The following ARID4B variants were observed in gnomAD, a reference collection of about 807,000 sequenced individuals.
ARID4B encodes AT-rich interactive domain-containing protein 4B.
Under a neutral mutation model 147.5 loss-of-function variants are expected in ARID4B, and 26 were observed. The ratio of observed to expected loss-of-function variants is 0.18; its 90% CI spans 0.13 to 0.24. The LOEUF is 0.24. ARID4B is among the 10% of genes least tolerant of loss of function. The pLI, the probability that ARID4B is intolerant of heterozygous loss-of-function variation, is 1.00. For missense variants in ARID4B, 1,179 were observed against 1,511.5 expected (o/e 0.78, Z 3.65); for synonymous variants, 512 against 507.9 (o/e 1.01, Z -0.11).
intron 2 of ARID4B, among the ~76,000 whole-genome samples, chr1:235,309,602 G>T (rs1267417972): frequency 6.8e-6 from 1 of 147,272 alleles, no homozygotes; most frequent in African/African-American, 2.5e-5. Context: ...GGTGAGGGGC[G>T]CCTCTGCCCG....
intron 2 of ARID4B, among the ~76,000 whole-genome samples, chr1:235,297,003 TC>T (rs1297812175): frequency 2.0e-5 from 3 of 152,108 alleles, no homozygotes; most frequent in Non-Finnish European, 2.9e-5. Flanking sequence ...CTTGTTCTTT[TC>T]TTTTTATATA....
chr1:235,266,476 G>A (rs1213194633), intron 2 of ARID4B, among the ~76,000 whole-genome samples: 4 of 152,124 alleles, frequency 2.6e-5, no homozygotes, highest in Non-Finnish European at 5.9e-5. Flanking sequence ...CCTTTGTTGA[G>A]CAAACAGAAC....
intron 16 of ARID4B, among the ~76,000 whole-genome samples, chr1:235,217,433 C>T (rs1213825699): frequency 3.3e-5 from 5 of 149,586 alleles, no homozygotes; most frequent in Non-Finnish European, 7.4e-5. Context: ...TACATACATA[C>T]ACTCACATAC....
chr1:235,299,991 C>T (rs143131841), intron 2 of ARID4B, among the ~76,000 whole-genome samples: 1,869 of 152,258 alleles, frequency 0.012, 30 homozygotes, highest in African/African-American at 0.04. Flanking sequence ...GAAACACTGT[C>T]CCTCTACCCA....
intron 8 of ARID4B, among the ~76,000 whole-genome samples, chr1:235,236,863 T>TATATATATATATATATA (rs1491159347): frequency 6.7e-4 from 12 of 17,870 alleles, no homozygotes; most frequent in South Asian, 0.013. Flanking sequence ...TATATATATA[T>TATATATATATATATATA]TTTTTTTTTT....
At chr1:235,172,225 G>A (rs1434141982) in intron 23 of ARID4B, among the ~76,000 whole-genome samples, 2 of 152,142 alleles carry the variant, frequency 1.3e-5, no homozygotes, top group African/African-American at 4.8e-5. Context: ...CCTGAAAATA[G>A]ACAAAGTCAT....
intron 9 of ARID4B, among the ~76,000 whole-genome samples, 179 bp from the exon 10 acceptor site, chr1:235,231,368 G>A (rs1437252777): frequency 6.6e-6 from 1 of 152,224 alleles, no homozygotes; most frequent in African/African-American, 2.4e-5. Flanking sequence ...AAGACAGGAT[G>A]TTAAAATACG....
At chr1:235,297,733 G>A (rs1225067386) in intron 2 of ARID4B, among the ~76,000 whole-genome samples, 2 of 152,044 alleles carry the variant, frequency 1.3e-5, no homozygotes, top group Non-Finnish European at 2.9e-5. Context: ...ATACCCTCTA[G>A]AACGAATGTT....
intron 17 of ARID4B, among the ~76,000 whole-genome samples, chr1:235,204,902 A>G (rs1302127395): frequency 6.6e-6 from 1 of 151,914 alleles, no homozygotes; most frequent in Admixed American, 6.5e-5. Flanking sequence ...AGTACAACAC[A>G]TAACTGAATT....
intron 22 of ARID4B, among the ~76,000 whole-genome samples, chr1:235,173,102 T>C (rs1663483803): frequency 6.6e-6 from 1 of 152,116 alleles, no homozygotes; most frequent in Non-Finnish European, 1.5e-5. Flanking sequence ...TCCTAGCACT[T>C]TGGGAGGCCG....
At chr1:235,223,067 A>C in intron 13 of ARID4B, 99 bp downstream of exon 13, 1 of 756,240 alleles carries the variant, frequency 1.3e-6, no homozygotes, top group South Asian at 1.7e-5. Flanking sequence ...TTACTGAAAA[A>C]CTTTGTTTTG....
At chr1:235,236,856 A>T (rs1375668422) in intron 8 of ARID4B, among the ~76,000 whole-genome samples, 9 of 35,096 alleles carry the variant, frequency 2.6e-4, no homozygotes, top group East Asian at 1.7e-3. Flanking sequence ...ATATATATAT[A>T]TATATATTTT....
At chr1:235,255,578 T>C (rs1669933499) in intron 5 of ARID4B, 82 bp downstream of exon 5, 1 of 851,122 alleles carries the variant, frequency 1.2e-6, no homozygotes, top group Admixed American at 2.8e-5. Flanking sequence ...AAGAAGTGAA[T>C]CCAGGAAATT....
chr1:235,236,110 G>A (rs1282987558), intron 8 of ARID4B, among the ~76,000 whole-genome samples: 4 of 151,592 alleles, frequency 2.6e-5, no homozygotes, highest in Admixed American at 2.6e-4. Context: ...TTCTTATGAT[G>A]TTACTAAAAC....
intron 19 of ARID4B, 101 bp from the exon 20 acceptor site, chr1:235,182,894 A>C: frequency 8.4e-7 from 1 of 1,189,200 alleles, no homozygotes; most frequent in African/African-American, 1.5e-5. Flanking sequence ...GTATACAGCC[A>C]CCCGAGGTTG....
At chr1:235,255,609 T>G in intron 5 of ARID4B, 51 bp downstream of exon 5, 3 of 1,195,234 alleles carry the variant, frequency 2.5e-6, no homozygotes, top group Non-Finnish European at 3.6e-6. Flanking sequence ...TGTATTAAGT[T>G]TTCTTTGTGT....
intron 8 of ARID4B, 148 bp from the exon 9 acceptor site, chr1:235,234,640 G>A: frequency 3.6e-6 from 2 of 559,702 alleles, no homozygotes; most frequent in South Asian, 4.7e-5. Flanking sequence ...ACACACGTGG[G>A]AGCACACACA....
At chr1:235,173,791 T>TAAAAC (rs1663617438) in intron 22 of ARID4B, among the ~76,000 whole-genome samples, 1 of 67,778 alleles carries the variant, frequency 1.5e-5, no homozygotes, top group Non-Finnish European at 2.8e-5. Flanking sequence ...TATATATATA[T>TAAAAC]ATATATATAT....
intron 19 of ARID4B, among the ~76,000 whole-genome samples, chr1:235,187,557 A>T (rs558806318): frequency 2.2e-4 from 34 of 152,198 alleles, no homozygotes; most frequent in Non-Finnish European, 4.3e-4. Flanking sequence ...AGAATGTAGA[A>T]GATTATTCTC....
Sources: gnomAD v4.1 joint callset for allele counts (sites outside exome capture counted in the v4.1 genomes callset) on GRCh38, gnomAD v4.1.1 for gene constraint, MANE v1.5 for transcripts, NCBI Gene and HGNC (gene_info 2026-07-23, HGNC 2026-07-21) for gene names.